SLC16A6: variants seen among roughly 807,000 people sequenced by gnomAD.
SLC16A6 encodes solute carrier family 16 member 6.
Under a neutral mutation model 33.8 loss-of-function variants are expected in SLC16A6, and 15 were observed. The observed-to-expected ratio is 0.44, with a 90% CI of 0.30 to 0.68. The LOEUF (loss-of-function observed/expected upper bound fraction) is 0.68. SLC16A6 is among the 30% of genes least tolerant of loss of function. The probability of loss-of-function intolerance (pLI) is 0.10; values close to 1 mark genes in which losing one functional copy is unlikely to be tolerated. For missense variants in SLC16A6, 451 were observed against 661.5 expected (o/e 0.68, Z 3.49); for synonymous variants, 219 against 248.4 (o/e 0.88, Z 1.11).
At chr17:68,284,400 A>G (rs1250726642) in intron 1 of SLC16A6, among the ~76,000 whole-genome samples, 1 of 152,200 alleles carries the variant, frequency 6.6e-6, no homozygotes, top group Non-Finnish European at 1.5e-5. Context: ...TCTAAAATAA[A>G]TAAATAAAAT....
At chr17:68,288,757 G>C (rs2075900061) in intron 1 of SLC16A6, among the ~76,000 whole-genome samples, 1 of 152,208 alleles carries the variant, frequency 6.6e-6, no homozygotes, top group South Asian at 2.1e-4. Flanking sequence ...CGAAGAGTTG[G>C]TCTTCTTAAA....
intron 2 of SLC16A6, among the ~76,000 whole-genome samples, 158 bp downstream of exon 2, chr17:68,277,931 C>T (rs2075576982): frequency 6.6e-6 from 1 of 152,162 alleles, no homozygotes; most frequent in Non-Finnish European, 1.5e-5. Context: ...TCTTGCCAAT[C>T]CTCAATGCTC....
intron 2 of SLC16A6, among the ~76,000 whole-genome samples, chr17:68,276,020 A>C (rs1228643240): frequency 3.3e-5 from 5 of 150,566 alleles, no homozygotes; most frequent in African/African-American, 1.2e-4. Flanking sequence ...ATACTCACTT[A>C]AAATAGAACC....
intron 1 of SLC16A6, among the ~76,000 whole-genome samples, chr17:68,290,814 CT>C (rs1267451135): frequency 2.0e-5 from 3 of 152,218 alleles, no homozygotes; most frequent in African/African-American, 7.2e-5. Context: ...CCAGGCGTGC[CT>C]TTAGGTATCT....
At position 68,268,901 on chromosome 17, in the gene SLC16A6, CA is replaced by C. The variant is rs879950263; in HGVS notation, c.*194del. On this transcript the variant is annotated 3_prime_UTR_variant, in exon 6 of 6. Transcript: ENST00000580666. ...TTTTTGTTTTGGCTTTAAAAACAAG[CA>C]AAAAAAAAAAGCTTAAAACAAAACA... 98,266 of 870,832 alleles carry C rather than the reference CA, an allele frequency of 0.11. No individual in the cohort carries two copies. Among genetic ancestry groups the C allele is most frequent in the South Asian group, 0.17 (7,036 of 40,810 alleles). The allele number at this position is 870,832 out of a possible 1,614,324, so 53.9% of individuals were successfully genotyped here. A position where few individuals can be genotyped will look rare whatever the true frequency, so the allele number is the denominator to read the frequency against.
In SLC16A6 at chr17:68,282,779, T is replaced by TAAAAAAAAAAAAAAAA. The variant is rs36155626; in HGVS notation, c.-7-4468_-7-4453dup. On this transcript the variant is annotated intron_variant, in intron 1 of 5. Transcript: ENST00000580666. ...CAACATAGTGAAACCCCATCTCTAC[T>TAAAAAAAAAAAAAAAA]AAAAAAAAAAAAAAAAAAAAAGGCC... 3.9e-4 allele frequency among the ~76,000 whole-genome samples: 21 copies of TAAAAAAAAAAAAAAAA among 53,404 alleles called. 2 individuals carry two copies. The highest frequency in any genetic ancestry group is 9.3e-4 in the African/African-American group (10 of 10,790). 35.0% of individuals were successfully genotyped at this position (53,404 alleles called of 152,430 possible). A position where few individuals can be genotyped will look rare whatever the true frequency, so the allele number is the denominator to read the frequency against.
At chr17:68,278,471 A>T in intron 1 of SLC16A6, 144 bp from the exon 2 acceptor site, 1 of 606,340 alleles carries the variant, frequency 1.6e-6, no homozygotes, top group Non-Finnish European at 2.9e-6. Context: ...ATTTATTGAG[A>T]TGGAGTCTTG....
At chr17:68,276,382 T>C (rs1427859283) in intron 2 of SLC16A6, among the ~76,000 whole-genome samples, 1 of 152,206 alleles carries the variant, frequency 6.6e-6, no homozygotes, top group African/African-American at 2.4e-5. Context: ...ACTTCAGAGA[T>C]AACAGTTCCA....
chr17:68,275,349 A>AT (rs1348727134), intron 2 of SLC16A6, among the ~76,000 whole-genome samples: 2 of 152,150 alleles, frequency 1.3e-5, no homozygotes, highest in African/African-American at 4.8e-5. Flanking sequence ...AAAGGATTCC[A>AT]TTTTTTTGGG....
rs2075784782 is a variant in SLC16A6 at position 68,284,053 on chromosome 17, T to C, written c.-7-5726A>G. Among the ~76,000 whole-genome samples, 5 of 142,118 alleles carry C rather than the reference T, an allele frequency of 3.5e-5. No homozygotes were observed. The South Asian group carries it at 1.1e-3, about 31-fold the overall frequency. 93.2% of individuals were successfully genotyped at this position (142,118 alleles called of 152,430 possible). A position where few individuals can be genotyped will look rare whatever the true frequency, so the allele number is the denominator to read the frequency against. On this transcript the variant is annotated intron_variant, in intron 1 of 5. Transcript: ENST00000580666. ...TTGCAGTGAGCCGAGGTCACACCACTGCACTCCAGCCTAGAGTGAGCAATA... is the reference window on the plus strand; with the variant it reads ...TTGCAGTGAGCCGAGGTCACACCACCGCACTCCAGCCTAGAGTGAGCAATA...
intron 3 of SLC16A6, among the ~76,000 whole-genome samples, chr17:68,273,724 A>C (rs528261717): frequency 1.8e-4 from 28 of 152,308 alleles, no homozygotes; most frequent in African/African-American, 6.7e-4. Flanking sequence ...ATCAAACAAA[A>C]ACCCTTGGGC....
At chr17:68,278,510 C>T (rs531213405) in intron 1 of SLC16A6, among the ~76,000 whole-genome samples, 183 bp from the exon 2 acceptor site, 2 of 152,172 alleles carry the variant, frequency 1.3e-5, no homozygotes, top group African/African-American at 4.8e-5. Flanking sequence ...AGTGCAGTGG[C>T]ATGATCTCAG....
rs181511302 is a variant in SLC16A6, at chr17:68,277,529, A to G, written c.232+560T>C. Among the ~76,000 whole-genome samples, 478 of 152,242 alleles carry G rather than the reference A, an allele frequency of 3.1e-3. 7 individuals are homozygous for G. Among genetic ancestry groups the G allele is most frequent in the African/African-American group, 0.011 (437 of 41,552 alleles). The stretch of plus-strand genomic sequence containing the variant: ...ACTGCAACCTCCGCCTCCTGGGTTC[A>G]AGCAATTCTCGTGCCTCAGCCTCCC... On this transcript the variant is annotated intron_variant, in intron 2 of 5. Transcript: ENST00000580666.
Position 68,272,666 on chromosome 17 carries a change from A to C in SLC16A6, c.478T>G (p.Cys160Gly). The change falls in exon 4 of 6, where the codon TGT becomes GGT. Residue 160 changes from cysteine to glycine, a missense_variant. Cys to Gly is a radical substitution (Grantham distance 159, BLOSUM62 -3). This residue lies in a region of SLC16A6 where 405 missense variants were observed against 510.7 expected (regional missense o/e 0.79). Transcript: ENST00000580666. ...GGTGCGAAAGCAAACACAGCGAAAC[A>C]TTCTCCTGTGGAAGCAACTGCAGTG... ...IVTAVASTGE[C>G]FAVFAFAPAI... 1.2e-6 allele frequency: 2 copies of C among 1,614,176 alleles called. No individual in the cohort carries two copies.
Position 68,273,926 on chromosome 17 carries a change from C to T in SLC16A6, c.376+1G>A, listed in dbSNP as rs1555749965. 1.9e-6 allele frequency: 3 copies of T among 1,613,980 alleles called. No homozygotes were observed. Among genetic ancestry groups the T allele is most frequent in the Non-Finnish European group, 2.5e-6 (3 of 1,179,904 alleles). On this transcript the variant is annotated splice_donor_variant, in intron 3 of 5. Coordinates refer to ENST00000580666, the MANE Select transcript of SLC16A6 (RefSeq NM_004694.5). LOFTEE classifies it high-confidence loss of function. The stretch of plus-strand genomic sequence containing the variant: ...CTTCTGAGCCAAAGAGGAACACTTA[C>T]CAGAGATGATGCCGATGGCGACGTA...
chr17:68,269,919 C>T (rs138614022), intron 5 of SLC16A6, among the ~76,000 whole-genome samples: 29,318 of 151,868 alleles, frequency 0.19, 2,867 homozygotes, highest in Middle Eastern at 0.3. Flanking sequence ...ATGATCCGCC[C>T]GCCTCATCCT....
chr17:68,283,784 A>G (rs568318270), intron 1 of SLC16A6, among the ~76,000 whole-genome samples: 53 of 150,558 alleles, frequency 3.5e-4, no homozygotes, highest in Middle Eastern at 3.2e-3. Context: ...AGGCTGAGGC[A>G]GGAGAATCAC....
intron 2 of SLC16A6, among the ~76,000 whole-genome samples, chr17:68,276,930 G>A (rs925174697): frequency 1.1e-4 from 17 of 152,144 alleles, no homozygotes; most frequent in African/African-American, 2.9e-4. Flanking sequence ...TATTTTATGC[G>A]ATTGGGTCTG....
chr17:68,285,054 C>A (rs1229229802), intron 1 of SLC16A6, among the ~76,000 whole-genome samples: 1 of 152,198 alleles, frequency 6.6e-6, no homozygotes, highest in African/African-American at 2.4e-5. Flanking sequence ...GAGATGGTCT[C>A]TGCCTCCATG....
Sources: gnomAD v4.1 joint callset for allele counts (sites outside exome capture counted in the v4.1 genomes callset) on GRCh38, gnomAD v4.1.1 for gene constraint, gnomAD v4.1.1 regional missense constraint, MANE v1.5 for transcripts, NCBI Gene and HGNC (gene_info 2026-07-23, HGNC 2026-07-21) for gene names.